INPP4B: variants seen among roughly 807,000 people sequenced by gnomAD.
INPP4B encodes the protein inositol polyphosphate 4-phosphatase type II.
INPP4B carries 55 observed loss-of-function variants against 122.5 expected under a neutral mutation model. The observed-to-expected ratio is 0.45, with a 90% CI of 0.36 to 0.56. The LOEUF (loss-of-function observed/expected upper bound fraction) is 0.56. Among genes scored for constraint, INPP4B ranks in the 20% least tolerant of loss-of-function variants. INPP4B has a pLI of 0.00. For synonymous variants in INPP4B, 403 were observed against 388.7 expected, an observed-to-expected ratio of 1.04 and a Z score of -0.43; for missense variants, 1,000 against 1,097.7, an observed-to-expected ratio of 0.91 and a Z score of 1.26.
At chr4:142,483,815 A>T (rs1820880245) in intron 2 of INPP4B, among the ~76,000 whole-genome samples, 1 of 152,076 alleles carries the variant, frequency 6.6e-6, no homozygotes, top group Non-Finnish European at 1.5e-5. Flanking sequence ...GGAAAATGTG[A>T]TAATGGAAAG....
intron 8 of INPP4B, among the ~76,000 whole-genome samples, chr4:142,312,200 G>A (rs1336239346): frequency 2.6e-5 from 4 of 152,156 alleles, no homozygotes; most frequent in African/African-American, 9.7e-5. Context: ...CAGTGTTTGA[G>A]GCAAGCAATC....
chr4:142,130,827 C>A (rs1279338597), intron 18 of INPP4B, among the ~76,000 whole-genome samples: 1 of 152,180 alleles, frequency 6.6e-6, no homozygotes, highest in African/African-American at 2.4e-5. Context: ...ACAAAGGCAA[C>A]CTTCCCTCAT....
intron 2 of INPP4B, among the ~76,000 whole-genome samples, chr4:142,600,019 T>G (rs1462140757): frequency 6.6e-6 from 1 of 152,094 alleles, no homozygotes; most frequent in Non-Finnish European, 1.5e-5. Flanking sequence ...TCATGATATA[T>G]GAGAAACTAT....
chr4:142,761,753 T>C (rs1260659198), intron 1 of INPP4B, among the ~76,000 whole-genome samples: 2 of 152,178 alleles, frequency 1.3e-5, no homozygotes, highest in East Asian at 1.9e-4. Flanking sequence ...ACATTAGGCA[T>C]TCTCTGTTAA....
At chr4:142,689,511 C>A (rs1759848633) in intron 2 of INPP4B, among the ~76,000 whole-genome samples, 1 of 152,108 alleles carries the variant, frequency 6.6e-6, no homozygotes, top group Non-Finnish European at 1.5e-5. Flanking sequence ...CCCATGATAA[C>A]CTTTTTTGTT....
intron 9 of INPP4B, among the ~76,000 whole-genome samples, chr4:142,294,067 G>A (rs1322223232): frequency 2.0e-5 from 3 of 152,114 alleles, no homozygotes; most frequent in African/African-American, 7.2e-5. Context: ...GGGCGGTGAG[G>A]GATGATAAAT....
At chr4:142,319,064 G>C (rs78201033) in intron 7 of INPP4B, among the ~76,000 whole-genome samples, 4 of 152,256 alleles carry the variant, frequency 2.6e-5, no homozygotes, top group South Asian at 4.2e-4. Flanking sequence ...CAGGCAATGG[G>C]GCTGCCTGAA....
intron 7 of INPP4B, among the ~76,000 whole-genome samples, chr4:142,402,064 A>G (rs1413775176): frequency 6.6e-6 from 1 of 152,188 alleles, no homozygotes; most frequent in African/African-American, 2.4e-5. Flanking sequence ...TTTTCCCTAT[A>G]CAAGGCACTG....
chr4:142,271,395 T>C (rs1201006592), intron 9 of INPP4B, among the ~76,000 whole-genome samples: 1 of 152,142 alleles, frequency 6.6e-6, no homozygotes, highest in Non-Finnish European at 1.5e-5. Flanking sequence ...TTTGGAACCA[T>C]CAAATCTAAA....
chr4:142,195,476 A>G (rs1481607631), intron 14 of INPP4B, among the ~76,000 whole-genome samples: 1 of 152,154 alleles, frequency 6.6e-6, no homozygotes, highest in African/African-American at 2.4e-5. Flanking sequence ...GCCACAAAAA[A>G]ACCTTTTAGA....
At chr4:142,202,191 G>A (rs1294776602) in intron 14 of INPP4B, among the ~76,000 whole-genome samples, 2 of 151,978 alleles carry the variant, frequency 1.3e-5, no homozygotes, top group Non-Finnish European at 2.9e-5. Flanking sequence ...ATTGATTTGA[G>A]ATTTAATAAT....
intron 8 of INPP4B, among the ~76,000 whole-genome samples, chr4:142,307,743 TTCCCAC>T (rs1561815587): frequency 6.6e-6 from 1 of 152,218 alleles, no homozygotes; most frequent in Non-Finnish European, 1.5e-5. Flanking sequence ...TTAAATTAAA[TTCCCAC>T]TCATTATTCA....
intron 11 of INPP4B, among the ~76,000 whole-genome samples, chr4:142,254,941 G>T (rs555675434): frequency 1.8e-3 from 273 of 152,018 alleles, no homozygotes; most frequent in Admixed American, 3.9e-3. Flanking sequence ...AAAATGTTAA[G>T]GGCAGCCAGA....
intron 2 of INPP4B, among the ~76,000 whole-genome samples, chr4:142,480,886 G>A (rs114879595): frequency 0.035 from 5,330 of 152,004 alleles, 211 homozygotes; most frequent in African/African-American, 0.074. Context: ...ATATAGAAAA[G>A]GGAATGTCTA....
In INPP4B at chr4:142,072,801, G is replaced by A. The variant is rs190947025; in HGVS notation, c.2642+9230C>T. On this transcript the variant is annotated intron_variant, in intron 25 of 25. Coordinates refer to ENST00000262992, the MANE Select transcript of INPP4B (RefSeq NM_001101669.3). Reference sequence around the variant, plus strand: ...GACAACCCTATTAGATGAGGATGCTGGTGAAATTATCACTACAATATAAGT... The same window carrying A: ...GACAACCCTATTAGATGAGGATGCTAGTGAAATTATCACTACAATATAAGT... Among the ~76,000 whole-genome samples the A allele has an allele frequency of 3.9e-5, 6 of 152,076 alleles. No individual in the cohort carries two copies. In the East Asian group the frequency reaches 1.2e-3, roughly 29 times the overall value.
intron 7 of INPP4B, among the ~76,000 whole-genome samples, chr4:142,319,130 T>C (rs887178394): frequency 3.3e-5 from 5 of 152,164 alleles, no homozygotes; most frequent in African/African-American, 9.7e-5. Flanking sequence ...CATGCTGTCC[T>C]GGGTCTGCAC....
chr4:142,364,402 G>A (rs1487352139), intron 7 of INPP4B, among the ~76,000 whole-genome samples: 1 of 151,918 alleles, frequency 6.6e-6, no homozygotes, highest in Non-Finnish European at 1.5e-5. Context: ...TTGGCCTCAC[G>A]AAAAGTAAAA....
intron 25 of INPP4B, among the ~76,000 whole-genome samples, chr4:142,042,106 C>T (rs1748012482): frequency 6.6e-6 from 1 of 152,200 alleles, no homozygotes; most frequent in African/African-American, 2.4e-5. Flanking sequence ...TACTGCCTGT[C>T]ATCTACCGTC....
chr4:142,303,753 T>C (rs1464790433), intron 9 of INPP4B, among the ~76,000 whole-genome samples: 2 of 152,154 alleles, frequency 1.3e-5, no homozygotes, highest in East Asian at 3.8e-4. Flanking sequence ...ATTTGTTTTA[T>C]ATAATCAAGA....
Sources: allele counts gnomAD v4.1 joint callset (sites outside exome capture counted in the v4.1 genomes callset), GRCh38; gene constraint gnomAD v4.1.1; transcripts MANE v1.5; gene names NCBI Gene and HGNC (gene_info 2026-07-23, HGNC 2026-07-21).